The following AK3 variants were observed in gnomAD, a reference collection of about 807,000 sequenced individuals.
AK3 encodes the protein GTP:AMP phosphotransferase AK3, mitochondrial.
Under a neutral mutation model 23.7 loss-of-function variants are expected in AK3, and 27 were observed. The observed-to-expected ratio is 1.14, with a 90% CI of 0.84 to 1.57. The LOEUF is 1.57. Among genes scored for constraint, AK3 ranks in the 40% most tolerant of loss-of-function variants. AK3 has a pLI of 0.00. For synonymous variants in AK3, 159 were observed against 116.0 expected, an observed-to-expected ratio of 1.37 and a Z score of -2.38; for missense variants, 406 against 285.6, an observed-to-expected ratio of 1.42 and a Z score of -3.04.
At chr9:4,729,375 C>T (rs1057436884) in intron 1 of AK3, among the ~76,000 whole-genome samples, 1 of 152,048 alleles carries the variant, frequency 6.6e-6, no homozygotes, top group Admixed American at 6.6e-5. Flanking sequence ...ATTCAGGAGG[C>T]TGAGGCAGGA....
intron 2 of AK3, among the ~76,000 whole-genome samples, chr9:4,719,882 A>G (rs1413538245): frequency 1.3e-5 from 2 of 152,166 alleles, no homozygotes; most frequent in African/African-American, 4.8e-5. Context: ...CCTAGCCAAC[A>G]TGGTGAAATC....
chr9:4,717,343 C>G (rs192630607), intron 4 of AK3, among the ~76,000 whole-genome samples: 42 of 152,300 alleles, frequency 2.8e-4, no homozygotes, highest in African/African-American at 9.6e-4. Context: ...AAGTCAAATA[C>G]TCATTCAGTA....
chr9:4,728,056 C>G (rs1046620254), intron 1 of AK3, among the ~76,000 whole-genome samples: 6 of 152,066 alleles, frequency 3.9e-5, no homozygotes, highest in African/African-American at 1.5e-4. Context: ...ATAGTAACAT[C>G]AAAGATCACT....
intron 1 of AK3, among the ~76,000 whole-genome samples, chr9:4,738,173 C>CT (rs201166805): frequency 6.6e-5 from 10 of 151,356 alleles, no homozygotes; most frequent in Non-Finnish European, 1.2e-4. Context: ...AATTAAACAT[C>CT]TTTTTTTTTG....
At chr9:4,717,194 G>C (rs1003746485) in intron 4 of AK3, among the ~76,000 whole-genome samples, 9 of 152,166 alleles carry the variant, frequency 5.9e-5, no homozygotes, top group African/African-American at 2.2e-4. Flanking sequence ...TCTGGCTCCA[G>C]AGTCTGTGTT....
Position 4,711,854 on chromosome 9 carries a change from G to A in AK3, c.*1122C>T, listed in dbSNP as rs1427417230. 1 of 152,144 alleles carries A rather than the reference G, an allele frequency of 6.6e-6. No homozygotes were observed. Among genetic ancestry groups the A allele is most frequent in the Non-Finnish European group, 1.5e-5 (1 of 68,016 alleles). The allele number at this position is 152,144 out of a possible 1,614,324, so 9.4% of individuals were successfully genotyped here. A position where few individuals can be genotyped will look rare whatever the true frequency, so the allele number is the denominator to read the frequency against. ...TAACAGGTATCAATTTCTTTGATCA[G>A]GAACAAAGAACTCCTTCAGGAAACT... is the stretch of plus-strand genomic sequence containing the variant. On this transcript the variant is annotated 3_prime_UTR_variant, in exon 5 of 5. Transcript: ENST00000381809.
chr9:4,723,440 G>C (rs558092125), intron 1 of AK3, among the ~76,000 whole-genome samples: 3 of 152,248 alleles, frequency 2.0e-5, no homozygotes, highest in East Asian at 1.9e-4. Flanking sequence ...AACCAGATTA[G>C]TATTGTGATT....
At position 4,718,505 on chromosome 9, in the gene AK3, A is replaced by G; in HGVS notation, c.477T>C (p.Ile159=). 6.2e-7 allele frequency: 1 copy of G among 1,613,840 alleles called. No individual in the cohort carries two copies. Among genetic ancestry groups the G allele is most frequent in the Non-Finnish European group, 8.5e-7 (1 of 1,179,814 alleles). Reference sequence around the variant, plus strand: ...TCTCTGGTTTATCATCCTCACGCTGAATGAGAGGCTCCCCAGTCAGGTCAT... The same window carrying G: ...TCTCTGGTTTATCATCCTCACGCTGGATGAGAGGCTCCCCAGTCAGGTCAT... The part of the protein sequence containing the change: ...GIDDLTGEPL[I]QREDDKPETV... Residue 159 remains isoleucine, a synonymous_variant, in exon 4 of 5, where the codon ATT becomes ATC. Coordinates refer to ENST00000381809, the MANE Select transcript of AK3 (RefSeq NM_016282.4).
At chr9:4,741,412 G>A (rs549800332), upstream of AK3, 1 of 251,282 alleles carries the variant, frequency 4.0e-6, no homozygotes, top group African/African-American at 2.3e-5. Context: ...GCCTCTCCGC[G>A]GCCCCTCTCC....
At chr9:4,723,880 T>G (rs183597752) in intron 1 of AK3, among the ~76,000 whole-genome samples, 166 of 152,330 alleles carry the variant, frequency 1.1e-3, no homozygotes, top group African/African-American at 3.8e-3. Flanking sequence ...AATAAATAAA[T>G]TCCCAGATGT....
At chr9:4,718,379 C>T (rs776268333) in intron 4 of AK3, 40 bp downstream of exon 4, 45 of 1,433,534 alleles carry the variant, frequency 3.1e-5, no homozygotes, top group Non-Finnish European at 4.2e-5. Context: ...AGACTTAGTG[C>T]ACCACTACGC....
chr9:4,724,073 G>A (rs1307939693), intron 1 of AK3, among the ~76,000 whole-genome samples: 1 of 152,170 alleles, frequency 6.6e-6, no homozygotes, highest in Non-Finnish European at 1.5e-5. Context: ...GTAACTGCAT[G>A]GACACGGGCT....
intron 1 of AK3, 128 bp downstream of exon 1, chr9:4,740,809 T>C (rs992624883): frequency 1.7e-6 from 2 of 1,191,396 alleles, no homozygotes; most frequent in South Asian, 1.9e-5. Flanking sequence ...CCGAGGTCTC[T>C]GTCCCGGGCG....
In AK3 at chr9:4,718,400, C is replaced by G; in HGVS notation, c.563+19G>C. The G allele has an allele frequency of 6.3e-7, 1 of 1,590,872 alleles. No individual in the cohort carries two copies. The highest frequency in any genetic ancestry group is 1.3e-5 in the African/African-American group (1 of 74,532). ...AGTGCACCACTACGCAAGAGAAGTT[C>G]TGAAAAGCAAAAACTCACTGGTAAT... On this transcript the variant is annotated intron_variant, in intron 4 of 4. Coordinates refer to ENST00000381809, the MANE Select transcript of AK3 (RefSeq NM_016282.4).
At chr9:4,716,801 C>A (rs1165880251) in intron 4 of AK3, among the ~76,000 whole-genome samples, 1 of 152,044 alleles carries the variant, frequency 6.6e-6, no homozygotes, top group Non-Finnish European at 1.5e-5. Flanking sequence ...TCTGGTGGCA[C>A]GGGCCTATAG....
chr9:4,733,330 C>A (rs1360758296), intron 1 of AK3, among the ~76,000 whole-genome samples: 2 of 99,106 alleles, frequency 2.0e-5, no homozygotes, highest in East Asian at 5.3e-4. Context: ...CAATCAAGGG[C>A]TTTAAAAAAA....
At chr9:4,733,013 T>C (rs769693413) in intron 1 of AK3, among the ~76,000 whole-genome samples, 2 of 150,946 alleles carry the variant, frequency 1.3e-5, no homozygotes, top group Non-Finnish European at 3.0e-5. Context: ...CCTGGCTAAT[T>C]TTTTTTTTAT....
Position 4,711,885 on chromosome 9 carries a change from T to C in AK3, c.*1091A>G, listed in dbSNP as rs1841571406. ...AAGAACTCCTTCAGGAAACTCACTT[T>C]CCTGGTCCTTGTTAACCTATCATGT... On this transcript the variant is annotated 3_prime_UTR_variant, in exon 5 of 5. Coordinates refer to ENST00000381809, the MANE Select transcript of AK3 (RefSeq NM_016282.4). The C allele has an allele frequency of 6.6e-6, 1 of 152,218 alleles. No individual in the cohort carries two copies. Among genetic ancestry groups the C allele is most frequent in the Admixed American group, 6.5e-5 (1 of 15,284 alleles). 9.4% of individuals were successfully genotyped at this position (152,218 alleles called of 1,614,324 possible). A position where few individuals can be genotyped will look rare whatever the true frequency, so the allele number is the denominator to read the frequency against.
At chr9:4,727,763 T>C (rs1250149388) in intron 1 of AK3, among the ~76,000 whole-genome samples, 2 of 152,208 alleles carry the variant, frequency 1.3e-5, no homozygotes, top group Admixed American at 6.5e-5. Flanking sequence ...CAGCCTGTCT[T>C]GGTTTTCAGC....
Sources: allele counts gnomAD v4.1 joint callset (sites outside exome capture counted in the v4.1 genomes callset), GRCh38; gene constraint gnomAD v4.1.1; transcripts MANE v1.5; gene names NCBI Gene and HGNC (gene_info 2026-07-23, HGNC 2026-07-21).